Variants in NLRP5 observed in about 807,000 individuals in gnomAD.
The protein encoded by NLRP5 is NLR family pyrin domain containing 5.
NLRP5 carries 93 observed loss-of-function variants against 113.1 expected under a neutral mutation model. The ratio of observed to expected loss-of-function variants is 0.82; its 90% CI spans 0.70 to 0.98. The LOEUF (loss-of-function observed/expected upper bound fraction) is 0.98, where lower values mean the gene tolerates loss of function less well. Among genes scored for constraint, NLRP5 ranks in the 50% least tolerant of loss-of-function variants. The pLI, the probability that NLRP5 is intolerant of heterozygous loss-of-function variation, is 0.00. For synonymous variants in NLRP5, 751 were observed against 600.7 expected, an observed-to-expected ratio of 1.25 and a Z score of -3.66; for missense variants, 1,808 against 1,514.3, an observed-to-expected ratio of 1.19 and a Z score of -3.22.
rs781408263 is a variant in NLRP5 at position 56,027,185 on chromosome 19, T to C, written c.952T>C (p.Phe318Leu). The C allele has an allele frequency of 1.2e-6, 2 of 1,609,090 alleles. No individual in the cohort carries two copies. The highest frequency in any genetic ancestry group is 1.7e-5 in the Admixed American group (1 of 59,198). ...CCAGGGAATGTTCTCCTACGTCTTC[T>C]TCCTCCCCGTTAGAGAGATGCAGCG... Residue 318 changes from phenylalanine (F) to leucine (L), a missense_variant, in exon 7 of 15, where the codon TTC becomes CTC. Phe to Leu is a conservative substitution (Grantham distance 22, BLOSUM62 0). Coordinates refer to ENST00000390649, the MANE Select transcript of NLRP5 (RefSeq NM_153447.4).
intron 6 of NLRP5, among the ~76,000 whole-genome samples, chr19:56,024,368 TATATATGTGTATATATAACATATATAC>T (rs1270564773): frequency 2.2e-5 from 3 of 138,636 alleles, no homozygotes; most frequent in Non-Finnish European, 4.6e-5. Context: ...AACAAATATA[TATATATGTGTATATATAACATATATAC>T]ATATATGTAC....
chr19:56,050,438 A>G lies in NLRP5; in HGVS notation c.2978A>G (p.Asp993Gly), dbSNP rs1469775031. ...CACAGGCTGAATCAGTGCCACCTGGACACGGCTGGCTGTGGTTTTCTTGCA... is the reference window on the plus strand; with the variant it reads ...CACAGGCTGAATCAGTGCCACCTGGGCACGGCTGGCTGTGGTTTTCTTGCA... Residue 993 changes from aspartate (D) to glycine (G), a missense_variant, in exon 12 of 15, where the codon GAC becomes GGC. Asp to Gly is a moderately conservative substitution (Grantham distance 94, BLOSUM62 -1). Transcript: ENST00000390649. 1 of 1,613,664 alleles carries G rather than the reference A, an allele frequency of 6.2e-7. No homozygotes were observed. The highest frequency in any genetic ancestry group is 1.3e-5 in the African/African-American group (1 of 74,920).
intron 3 of NLRP5, among the ~76,000 whole-genome samples, chr19:56,012,557 T>C (rs966800369): frequency 8.6e-6 from 1 of 116,158 alleles, no homozygotes; most frequent in African/African-American, 3.3e-5. Context: ...TAATCCAGTC[T>C]TAGGACATTT....
At chr19:56,002,945 G>A (rs1444319137) in intron 1 of NLRP5, among the ~76,000 whole-genome samples, 1 of 152,000 alleles carries the variant, frequency 6.6e-6, no homozygotes, top group Non-Finnish European at 1.5e-5. Context: ...TCATTAAAAA[G>A]TCAGGAAACA....
intron 3 of NLRP5, among the ~76,000 whole-genome samples, chr19:56,013,595 G>GTTTTTTTTTTTTTT (rs1418924718): frequency 2.9e-4 from 9 of 30,986 alleles, no homozygotes; most frequent in Non-Finnish European, 4.6e-4. Flanking sequence ...TGGACATTTG[G>GTTTTTTTTTTTTTT]GTTTTTTTTT....
chr19:56,041,284 T>C (rs1983513502), intron 11 of NLRP5, among the ~76,000 whole-genome samples, 192 bp downstream of exon 11: 2 of 152,274 alleles, frequency 1.3e-5, no homozygotes, highest in African/African-American at 2.4e-5. Context: ...CTTTGTGTTA[T>C]CTTACAGTGG....
At chr19:56,030,061 T>TAAAAAAATA (rs1290841210) in intron 7 of NLRP5, among the ~76,000 whole-genome samples, 1 of 139,620 alleles carries the variant, frequency 7.2e-6, no homozygotes, top group Non-Finnish European at 1.6e-5. Flanking sequence ...TCTCAAAAAA[T>TAAAAAAATA]AAAAAAAGCC....
At chr19:56,028,739 C>T (rs1000556586) in intron 7 of NLRP5, among the ~76,000 whole-genome samples, 1 of 152,148 alleles carries the variant, frequency 6.6e-6, no homozygotes, top group African/African-American at 2.4e-5. Context: ...AAAGGAAAGG[C>T]TCTGGGGTTG....
Position 56,027,397 on chromosome 19 carries a change from C to G in NLRP5, c.1164C>G (p.Phe388Leu). ...ACTGGGCTGAGAAGCAGCCTCCGTT[C>G]ACCCTCATACGCAGTCTGCTGAGGA... The change falls in exon 7 of 15, where the codon TTC becomes TTG. Residue 388 changes from phenylalanine to leucine, a missense_variant. By Grantham distance (22) the Phe-to-Leu change is conservative. Coordinates refer to ENST00000390649, the MANE Select transcript of NLRP5 (RefSeq NM_153447.4). 6.2e-7 allele frequency: 1 copy of G among 1,613,508 alleles called. No homozygotes were observed. Among genetic ancestry groups the G allele is most frequent in the African/African-American group, 1.3e-5 (1 of 75,062 alleles).
chr19:56,041,731 T>G (rs2123324371), intron 11 of NLRP5, among the ~76,000 whole-genome samples: 1 of 152,304 alleles, frequency 6.6e-6, no homozygotes, highest in East Asian at 1.9e-4. Context: ...GTGGATCATT[T>G]GAGCTCAGGA....
At chr19:55,992,745 T>C in the NLRP5 span, among the ~76,000 whole-genome samples, 1 of 152,220 alleles carries the variant, frequency 6.6e-6, no homozygotes, top group African/African-American at 2.4e-5. Flanking sequence ...CAAAAATGCC[T>C]GGCTCCTTCT....
chr19:56,055,521 A>G (rs1308245011), intron 13 of NLRP5, among the ~76,000 whole-genome samples: 1 of 63,426 alleles, frequency 1.6e-5, no homozygotes, highest in African/African-American at 5.3e-5. Flanking sequence ...TCCATGTTCT[A>G]TTTTTCTTTC....
intron 11 of NLRP5, among the ~76,000 whole-genome samples, chr19:56,044,220 T>A (rs1382513632): frequency 6.7e-6 from 1 of 149,832 alleles, no homozygotes; most frequent in African/African-American, 2.5e-5. Flanking sequence ...CCCGCCACCA[T>A]GCCCAGCTAA....
chr19:55,990,081 T>C, the NLRP5 span, among the ~76,000 whole-genome samples: 2 of 15,472 alleles, frequency 1.3e-4, no homozygotes, highest in African/African-American at 3.6e-4. Flanking sequence ...TCTTTTTTCT[T>C]TTTTTTTTTT....
At chr19:56,004,523 C>T (rs1333606579) in intron 2 of NLRP5, among the ~76,000 whole-genome samples, 1 of 152,066 alleles carries the variant, frequency 6.6e-6, no homozygotes, top group Admixed American at 6.6e-5. Context: ...TGGCTAAGAA[C>T]CTCATTGGTT....
chr19:55,999,185 T>A (rs1459241325), upstream of NLRP5, among the ~76,000 whole-genome samples: 1 of 151,206 alleles, frequency 6.6e-6, no homozygotes, highest in Non-Finnish European at 1.5e-5. Flanking sequence ...ACAATTGAGA[T>A]CCTACTAAAT....
chr19:56,049,130 T>A (rs1950799421), intron 11 of NLRP5, among the ~76,000 whole-genome samples: 1 of 149,644 alleles, frequency 6.7e-6, no homozygotes, highest in Non-Finnish European at 1.5e-5. Flanking sequence ...TACAGGTGTG[T>A]GCCGCCACAC....
intron 11 of NLRP5, among the ~76,000 whole-genome samples, chr19:56,048,049 G>A (rs879153391): frequency 9.9e-5 from 15 of 152,100 alleles, no homozygotes; most frequent in Non-Finnish European, 1.6e-4. Flanking sequence ...ACCCCTGCTC[G>A]CTTTTGGTGT....
At chr19:56,034,550 C>A (rs921083177) in intron 9 of NLRP5, among the ~76,000 whole-genome samples, 2 of 152,206 alleles carry the variant, frequency 1.3e-5, no homozygotes, top group Admixed American at 1.3e-4. Flanking sequence ...AACCAAGATG[C>A]TCTGGGGTCA....
Sources: gnomAD v4.1 joint callset for allele counts (sites outside exome capture counted in the v4.1 genomes callset) on GRCh38, gnomAD v4.1.1 for gene constraint, MANE v1.5 for transcripts, NCBI Gene and HGNC (gene_info 2026-07-23, HGNC 2026-07-21) for gene names.